The following KIF1B variants were observed in gnomAD, a reference collection of about 807,000 sequenced individuals.
The protein encoded by KIF1B is kinesin-like protein KIF1B.
A neutral mutation model predicts 241.9 loss-of-function variants in KIF1B; 76 were observed. That is an observed-to-expected ratio of 0.31 (90% CI 0.26 to 0.38). The LOEUF is 0.38. KIF1B is among the 10% of genes least tolerant of loss of function. The probability of loss-of-function intolerance (pLI) is 1.00; values close to 1 mark genes in which losing one functional copy is unlikely to be tolerated. For synonymous variants in KIF1B, 750 were observed against 796.7 expected (o/e 0.94, Z 0.99); for missense variants, 1,622 against 2,271.4 (o/e 0.71, Z 5.81).
At chr1:10,296,550 T>C (rs769868717) in intron 19 of KIF1B, 32 bp from the exon 20 acceptor site, 30 of 1,543,518 alleles carry the variant, frequency 1.9e-5, no homozygotes, top group Admixed American at 6.7e-5. Flanking sequence ...TAGTTTGTAA[T>C]GATAACATTA....
rs1430454729 is a variant in KIF1B, at chr1:10,326,912, C to T, written c.2924+553C>T. Among the ~76,000 whole-genome samples the T allele has an allele frequency of 6.6e-6, 1 of 152,192 alleles. No homozygotes were observed. Among genetic ancestry groups the T allele is most frequent in the African/African-American group, 2.4e-5 (1 of 41,428 alleles). ...CCTAAAAAGAATCAGGAAAGTTAAG[C>T]TTCTCCTTTACCTAAAACGGATGCC... On this transcript the variant is annotated intron_variant, in intron 27 of 48. Transcript: ENST00000676179. The surrounding 1 kb of genome is among the most constrained non-coding windows in gnomAD (Gnocchi z 5.2).
chr1:10,305,323 A>C, intron 22 of KIF1B: 1 of 1,047,680 alleles, frequency 9.5e-7, no homozygotes, highest in Non-Finnish European at 1.2e-6. Flanking sequence ...AATATGTATG[A>C]AATTTGTCAT....
intron 5 of KIF1B, among the ~76,000 whole-genome samples, chr1:10,265,151 C>T (rs1557675001): frequency 6.6e-6 from 1 of 151,964 alleles, no homozygotes; most frequent in Non-Finnish European, 1.5e-5. Flanking sequence ...GCTAAGATTA[C>T]AGGCATGAGC....
chr1:10,359,894 G>C (rs1173061482), intron 38 of KIF1B, among the ~76,000 whole-genome samples: 1 of 151,892 alleles, frequency 6.6e-6, no homozygotes, highest in Admixed American at 6.6e-5. Context: ...ATTAGCTGGC[G>C]TAGTGGTGCG....
At chr1:10,314,035 G>A (rs1396796048) in intron 22 of KIF1B, among the ~76,000 whole-genome samples, 1 of 150,810 alleles carries the variant, frequency 6.6e-6, no homozygotes, top group Non-Finnish European at 1.5e-5. Flanking sequence ...CTGGGATTAC[G>A]GCATGTGCCA....
At chr1:10,224,790 TCAAC>T (rs1270589963) in intron 1 of KIF1B, among the ~76,000 whole-genome samples, 1 of 152,132 alleles carries the variant, frequency 6.6e-6, no homozygotes, top group Admixed American at 6.6e-5. Flanking sequence ...AAATAGGAAT[TCAAC>T]CAAAAAAAAT....
rs1652229683 is a variant in KIF1B at position 10,337,632 on chromosome 1, C to T, written c.3422+99C>T. The T allele has an allele frequency of 4.6e-6, 6 of 1,314,512 alleles. No individual in the cohort carries two copies. The highest frequency in any genetic ancestry group is 6.6e-6 in the Non-Finnish European group (6 of 915,628). 81.4% of individuals were successfully genotyped at this position (1,314,512 alleles called of 1,614,324 possible). A position where few individuals can be genotyped will look rare whatever the true frequency, so the allele number is the denominator to read the frequency against. On this transcript the variant is annotated intron_variant, in intron 31 of 48. Coordinates refer to ENST00000676179, the MANE Select transcript of KIF1B (RefSeq NM_001365951.3). The surrounding 1 kb of genome is among the most constrained non-coding windows in gnomAD (Gnocchi z 4.0). The stretch of plus-strand genomic sequence containing the variant: ...TTTACATGTGTGAGGGATTAACACT[C>T]TTGAGACAAAGACTGATCAGTCTCT...
rs116076382 is a variant in KIF1B at position 10,263,882 on chromosome 1, T to G, written c.429+1912T>G. ...TACCTGTCTCTTCTACTTCCTTCCC[T>G]GTTTACTCTGCTCCACCCATATTGC... On this transcript the variant is annotated intron_variant, in intron 5 of 48. Coordinates refer to ENST00000676179, the MANE Select transcript of KIF1B (RefSeq NM_001365951.3). 1.2e-3 allele frequency among the ~76,000 whole-genome samples: 180 copies of G among 152,322 alleles called. 1 individual carries two copies. Among genetic ancestry groups the G allele is most frequent in the Non-Finnish European group, 2.3e-3 (155 of 68,028 alleles).
intron 2 of KIF1B, among the ~76,000 whole-genome samples, chr1:10,238,219 A>G (rs12404989): frequency 0.011 from 1,623 of 151,424 alleles, 12 homozygotes; most frequent in Non-Finnish European, 0.015. Flanking sequence ...CATCTGTACT[A>G]AAAATACAAA....
chr1:10,328,955 C>G (rs183157093), intron 27 of KIF1B, among the ~76,000 whole-genome samples: 1 of 152,324 alleles, frequency 6.6e-6, no homozygotes, highest in African/African-American at 2.4e-5. Flanking sequence ...TACTAAGAAG[C>G]ATTTGTATTT....
chr1:10,279,055 A>G, intron 13 of KIF1B, 42 bp from the exon 14 acceptor site: 2 of 1,486,488 alleles, frequency 1.3e-6, no homozygotes, highest in Non-Finnish European at 1.8e-6. Flanking sequence ...GCTGAACCTG[A>G]ACTTTGACCC....
intron 33 of KIF1B, 52 bp from the exon 34 acceptor site, chr1:10,343,180 C>G (rs879169234): frequency 6.3e-7 from 1 of 1,595,160 alleles, no homozygotes; most frequent in South Asian, 1.1e-5. Flanking sequence ...GGGAGAATTT[C>G]TAAAATAAAT....
rs565046892 is a variant in KIF1B at position 10,376,737 on chromosome 1, C to G, written c.*150C>G. 3 of 769,226 alleles carry G rather than the reference C, an allele frequency of 3.9e-6. No homozygotes were observed. In the South Asian group the frequency reaches 4.2e-5, roughly 11 times the overall value. The allele number at this position is 769,226 out of a possible 1,614,324, so 47.7% of individuals were successfully genotyped here. On this transcript the variant is annotated 3_prime_UTR_variant, in exon 49 of 49. Coordinates refer to ENST00000676179, the MANE Select transcript of KIF1B (RefSeq NM_001365951.3). Reference sequence around the variant, plus strand: ...TTGTCCAGCACTTTTCTAGCTCTCCCGTTCCCCATCTCCATTGCTCTGTAC... The same window carrying G: ...TTGTCCAGCACTTTTCTAGCTCTCCGGTTCCCCATCTCCATTGCTCTGTAC...
In KIF1B at chr1:10,324,813, A is replaced by C. The variant is rs140015591; in HGVS notation, c.2593A>C (p.Ser865Arg). ...TGATAGGGCAGGGGAGATGGCCTCC[A>C]GTGCCCAAGACGAAAGCGAAACCAC... ...MYDRAGEMASSAQDESETTVT... is the reference protein window; with the variant it reads ...MYDRAGEMASRAQDESETTVT... Residue 865 changes from serine (S) to arginine (R), a missense_variant, in exon 26 of 49, where the codon AGT (serine) becomes CGT (arginine). By Grantham distance (110) the Ser-to-Arg change is moderately radical. Coordinates refer to ENST00000676179, the MANE Select transcript of KIF1B (RefSeq NM_001365951.3). 2.2e-4 allele frequency: 348 copies of C among 1,614,068 alleles called. 7 individuals carry two copies. Among genetic ancestry groups the C allele is most frequent in the South Asian group, 2.0e-3 (186 of 91,084 alleles).
intron 6 of KIF1B, 86 bp downstream of exon 6, chr1:10,267,644 A>G (rs76642451): frequency 4.9e-4 from 633 of 1,291,428 alleles, no homozygotes; most frequent in Non-Finnish European, 6.4e-4. Context: ...GGCCACATTT[A>G]TAGCTATGAA....
At chr1:10,299,109 A>G (rs1372129186) in intron 22 of KIF1B, 2 of 151,926 alleles carry the variant, frequency 1.3e-5, no homozygotes, top group Non-Finnish European at 2.9e-5. Context: ...CAAAAACAAA[A>G]CAAAACAAGA....
intron 15 of KIF1B, among the ~76,000 whole-genome samples, chr1:10,287,711 C>T (rs916546937): frequency 3.9e-5 from 6 of 152,132 alleles, no homozygotes; most frequent in African/African-American, 1.4e-4. Context: ...TTAGAGTTGG[C>T]TGCAAAATGG....
Position 10,263,046 on chromosome 1 carries a change from C to T in KIF1B, c.429+1076C>T, listed in dbSNP as rs372016715. Reference sequence around the variant, plus strand: ...GCTCATACCTGTAATCCCAGCACTTCGGGAGGCGAATGGATCACTTGAGGC... The same window carrying T: ...GCTCATACCTGTAATCCCAGCACTTTGGGAGGCGAATGGATCACTTGAGGC... On this transcript the variant is annotated intron_variant, in intron 5 of 48. Coordinates refer to ENST00000676179, the MANE Select transcript of KIF1B (RefSeq NM_001365951.3). Among the ~76,000 whole-genome samples the T allele has an allele frequency of 2.6e-5, 4 of 152,018 alleles. 1 individual carries two copies. The highest frequency in any genetic ancestry group is 4.2e-4 in the South Asian group (2 of 4,810).
intron 22 of KIF1B, among the ~76,000 whole-genome samples, chr1:10,311,290 C>T (rs1354237250): frequency 1.3e-5 from 2 of 149,542 alleles, no homozygotes; most frequent in Non-Finnish European, 2.9e-5. Context: ...TCTGAGCTTA[C>T]TGCAACCTCT....
Sources: gnomAD v4.1 joint callset for allele counts (sites outside exome capture counted in the v4.1 genomes callset) on GRCh38, gnomAD v4.1.1 for gene constraint, Gnocchi (gnomAD v3.1) non-coding constraint, MANE v1.5 for transcripts, NCBI Gene and HGNC (gene_info 2026-07-23, HGNC 2026-07-21) for gene names.